HSD17B2: variants seen among roughly 807,000 people sequenced by gnomAD.
HSD17B2 encodes 17-beta-hydroxysteroid dehydrogenase type 2.
Under a neutral mutation model 26.9 loss-of-function variants are expected in HSD17B2, and 32 were observed. The observed-to-expected ratio is 1.19, with a 90% CI of 0.90 to 1.60. The LOEUF is 1.60. Ranked by LOEUF, HSD17B2 falls within the 40% of genes most tolerant of loss-of-function variation. The pLI is 0.00. For synonymous variants in HSD17B2, 246 were observed against 186.7 expected, an observed-to-expected ratio of 1.32 and a Z score of -2.59; for missense variants, 613 against 468.6, an observed-to-expected ratio of 1.31 and a Z score of -2.85.
intron 2 of HSD17B2, among the ~76,000 whole-genome samples, chr16:82,070,297 C>A (rs1409419416): frequency 6.6e-6 from 1 of 152,170 alleles, no homozygotes; most frequent in East Asian, 1.9e-4. Flanking sequence ...GATCCAAGTC[C>A]TGTCAATTCC....
chr16:82,093,387 C>T (rs564116215), intron 4 of HSD17B2: 3 of 152,308 alleles, frequency 2.0e-5, no homozygotes, highest in Admixed American at 6.5e-5. Flanking sequence ...TGTCTGGCTT[C>T]TTTCACTCAA....
chr16:82,052,540 T>C (rs931850851), intron 1 of HSD17B2: 6 of 152,232 alleles, frequency 3.9e-5, no homozygotes, highest in Admixed American at 3.3e-4. Context: ...GTTTTCTACC[T>C]GCTCAGAAAC....
chr16:82,079,907 C>T (rs2042428), intron 3 of HSD17B2, among the ~76,000 whole-genome samples: 25 of 152,082 alleles, frequency 1.6e-4, no homozygotes, highest in African/African-American at 5.6e-4. Context: ...TCTGGGAGTT[C>T]ATTGCTGTTA....
At chr16:82,043,500 C>T (rs1398237525) in intron 1 of HSD17B2, among the ~76,000 whole-genome samples, 1 of 127,448 alleles carries the variant, frequency 7.8e-6, no homozygotes, top group Non-Finnish European at 1.5e-5. Flanking sequence ...CTGGCTAACA[C>T]GGTGAAACCC....
intron 1 of HSD17B2, among the ~76,000 whole-genome samples, chr16:82,051,948 C>T (rs1032244717): frequency 6.6e-5 from 10 of 152,210 alleles, no homozygotes; most frequent in Admixed American, 5.9e-4. Flanking sequence ...GATGCTTCTT[C>T]ATGTGCCCTT....
At chr16:82,078,767 G>A (rs1005301068) in intron 3 of HSD17B2, among the ~76,000 whole-genome samples, 2 of 152,184 alleles carry the variant, frequency 1.3e-5, no homozygotes, top group African/African-American at 2.4e-5. Context: ...ATAACATAAT[G>A]AGCATAAAGA....
At chr16:82,057,333 G>C (rs907931340) in intron 1 of HSD17B2, among the ~76,000 whole-genome samples, 7 of 152,030 alleles carry the variant, frequency 4.6e-5, no homozygotes, top group African/African-American at 1.7e-4. Flanking sequence ...TGAATAGCTG[G>C]GACTACAGGC....
At chr16:82,082,543 A>G (rs1332707333) in intron 3 of HSD17B2, among the ~76,000 whole-genome samples, 1 of 152,162 alleles carries the variant, frequency 6.6e-6, no homozygotes, top group African/African-American at 2.4e-5. Context: ...TGGACACTAT[A>G]AATTTTATGT....
chr16:82,075,285 C>CA (rs2143991807), intron 3 of HSD17B2, among the ~76,000 whole-genome samples: 1 of 151,624 alleles, frequency 6.6e-6, no homozygotes, highest in East Asian at 1.9e-4. Context: ...TGATGCATCT[C>CA]AAAAAACTAG....
At chr16:82,085,339 T>C (rs1268925278) in intron 3 of HSD17B2, among the ~76,000 whole-genome samples, 1 of 152,132 alleles carries the variant, frequency 6.6e-6, no homozygotes, top group African/African-American at 2.4e-5. Context: ...CAAGACTGAG[T>C]GAACCTCCTC....
intron 1 of HSD17B2, among the ~76,000 whole-genome samples, chr16:82,051,745 A>G (rs1038439823): frequency 1.3e-5 from 2 of 152,206 alleles, no homozygotes; most frequent in Non-Finnish European, 2.9e-5. Context: ...ATAAAAAAAG[A>G]AAAAAAGAGC....
intron 3 of HSD17B2, among the ~76,000 whole-genome samples, chr16:82,084,825 T>A (rs1174399494): frequency 1.3e-5 from 2 of 152,216 alleles, no homozygotes; most frequent in African/African-American, 4.8e-5. Context: ...CTTGAACTCT[T>A]GGGCTCAAGC....
chr16:82,083,915 A>C (rs1904448245), intron 3 of HSD17B2, among the ~76,000 whole-genome samples: 1 of 152,326 alleles, frequency 6.6e-6, no homozygotes, highest in African/African-American at 2.4e-5. Flanking sequence ...CAAGTATCAG[A>C]GGCATGGGAG....
At chr16:82,043,545 G>A (rs1337153633) in intron 1 of HSD17B2, among the ~76,000 whole-genome samples, 1 of 142,034 alleles carries the variant, frequency 7.0e-6, no homozygotes, top group Non-Finnish European at 1.5e-5. Flanking sequence ...TCAGCCGGGC[G>A]CCGTGGCAGG....
chr16:82,087,150 T>C (rs1284462196), intron 3 of HSD17B2, among the ~76,000 whole-genome samples: 1 of 152,208 alleles, frequency 6.6e-6, no homozygotes, highest in Non-Finnish European at 1.5e-5. Flanking sequence ...TTAAGTTACC[T>C]AATGTTAGGT....
intron 1 of HSD17B2, among the ~76,000 whole-genome samples, chr16:82,050,333 C>T (rs1914069754): frequency 6.6e-6 from 1 of 151,894 alleles, no homozygotes; most frequent in Non-Finnish European, 1.5e-5. Flanking sequence ...CCATCTTCTC[C>T]CCTGCCCGCC....
intron 3 of HSD17B2, among the ~76,000 whole-genome samples, chr16:82,088,750 C>G (rs1484157858): frequency 6.6e-6 from 1 of 152,182 alleles, no homozygotes. Flanking sequence ...CGCTGGCCAT[C>G]TGTGGCAAGA....
At chr16:82,045,368 C>T (rs1040856187) in intron 1 of HSD17B2, among the ~76,000 whole-genome samples, 1 of 152,154 alleles carries the variant, frequency 6.6e-6, no homozygotes. Flanking sequence ...GTTCTGCACT[C>T]ATGAGAAAGC....
At chr16:82,065,258 C>T (rs908255854) in intron 1 of HSD17B2, among the ~76,000 whole-genome samples, 2 of 152,162 alleles carry the variant, frequency 1.3e-5, no homozygotes, top group Non-Finnish European at 2.9e-5. Flanking sequence ...GTTTGCATGC[C>T]TTCATGGTCA....
Sources: allele counts gnomAD v4.1 joint callset (sites outside exome capture counted in the v4.1 genomes callset), GRCh38; gene constraint gnomAD v4.1.1; transcripts MANE v1.5; gene names NCBI Gene and HGNC (gene_info 2026-07-23, HGNC 2026-07-21).